EPHA1: variants seen among roughly 807,000 people sequenced by gnomAD.
EPHA1 encodes the protein EPH receptor A1, also known as ephrin type-A receptor 1.
A neutral mutation model predicts 110.1 loss-of-function variants in EPHA1; 92 were observed. That is an observed-to-expected ratio of 0.84 (90% CI 0.71 to 0.99). EPHA1 has a LOEUF of 0.99. EPHA1 is among the 50% of genes least tolerant of loss of function. The pLI is 0.00. For synonymous variants in EPHA1, 500 were observed against 516.1 expected (o/e 0.97, Z 0.42); for missense variants, 1,204 against 1,285.4 (o/e 0.94, Z 0.97).
At chr7:143,406,439 G>A (rs1190638059) in intron 2 of EPHA1, among the ~76,000 whole-genome samples, 1 of 152,186 alleles carries the variant, frequency 6.6e-6, no homozygotes, top group Non-Finnish European at 1.5e-5. Flanking sequence ...TGGTGTTCAT[G>A]GTACCATTTG....
chr7:143,398,435 G>A lies in EPHA1; in HGVS notation c.1350C>T (p.Gly450=), dbSNP rs772008631. ...ISMGHAESLS[G]LSLRLVKKEP... ...CTTTCTTCACCAGTCTCAGAGACAG[G>A]CCTGACAGTGACTCTGGGGGTCCAG... The change falls in exon 7 of 18, where the codon GGC becomes GGT. Residue 450 remains glycine (G), a synonymous_variant. Transcript: ENST00000275815. The A allele has an allele frequency of 6.2e-7, 1 of 1,614,044 alleles. No homozygotes were observed. The highest frequency in any genetic ancestry group is 1.3e-5 in the African/African-American group (1 of 74,926).
At chr7:143,408,293 C>T (rs946779001) in intron 1 of EPHA1, among the ~76,000 whole-genome samples, 5 of 152,180 alleles carry the variant, frequency 3.3e-5, no homozygotes, top group Admixed American at 6.5e-5. Flanking sequence ...TCAGTCCTAA[C>T]CCTTCTCCCG....
intron 1 of EPHA1, 134 bp from the exon 2 acceptor site, chr7:143,407,812 G>A: frequency 1.3e-5 from 10 of 749,648 alleles, no homozygotes; most frequent in Non-Finnish European, 2.0e-5. Context: ...CTGAGGCTTA[G>A]GGGAGAAAAA....
chr7:143,394,067 G>T, intron 15 of EPHA1, 127 bp downstream of exon 15: 1 of 1,347,234 alleles, frequency 7.4e-7, no homozygotes, highest in African/African-American at 1.5e-5. Context: ...AGAGGAGCCA[G>T]GAGTACAGAA....
chr7:143,406,368 AG>A (rs1805548241), intron 2 of EPHA1, among the ~76,000 whole-genome samples: 1 of 152,252 alleles, frequency 6.6e-6, no homozygotes, highest in Non-Finnish European at 1.5e-5. Context: ...ATACATGATT[AG>A]GTCCCTGCAG....
In EPHA1 at chr7:143,394,215, A is replaced by G. The variant is rs2116613731; in HGVS notation, c.2481T>C (p.Tyr827=). 3 of 1,614,020 alleles carry G rather than the reference A, an allele frequency of 1.9e-6. No individual in the cohort carries two copies. Among genetic ancestry groups the G allele is most frequent in the Non-Finnish European group, 8.5e-7 (1 of 1,179,936 alleles). Residue 827 remains tyrosine, a synonymous_variant, in exon 15 of 18, where the codon TAT becomes TAC. Coordinates refer to ENST00000275815, the MANE Select transcript of EPHA1 (RefSeq NM_005232.5). Reference sequence around the variant, plus strand: ...TCACCTCCTGATTGCTCATCTCCCCATAAGGCTTGTCCCCAAAGCTCAGCA... The same window carrying G: ...TCACCTCCTGATTGCTCATCTCCCCGTAAGGCTTGTCCCCAAAGCTCAGCA... ...WEVLSFGDKP[Y]GEMSNQEVMK... is the part of the protein sequence containing the mutation.
Position 143,399,850 on chromosome 7 carries a change from G to A in EPHA1, c.636C>T (p.Ala212=). 1 of 1,606,664 alleles carries A rather than the reference G, an allele frequency of 6.2e-7. No homozygotes were observed. The part of the protein sequence containing the change: ...QRCPETLNGL[A]QFPDTLPGPA... Reference sequence around the variant, plus strand: ...GGCCAGGCAGAGTGTCTGGGAATTGGGCCAAGCCATTCAGGGTCTCAGGAC... The same window carrying A: ...GGCCAGGCAGAGTGTCTGGGAATTGAGCCAAGCCATTCAGGGTCTCAGGAC... The change falls in exon 4 of 18, where the codon GCC becomes GCT. Residue 212 remains alanine, a synonymous_variant. Transcript: ENST00000275815.
rs1135752 is a variant in EPHA1 at position 143,401,567 on chromosome 7, C to T, written c.189G>A (p.Leu63=). 1 of 1,614,076 alleles carries T rather than the reference C, an allele frequency of 6.2e-7. No individual in the cohort carries two copies. The change falls in exon 3 of 18, where the codon CTG becomes CTA. Residue 63 remains leucine (L), a synonymous_variant. Coordinates refer to ENST00000275815, the MANE Select transcript of EPHA1 (RefSeq NM_005232.5). The surrounding 1 kb of genome is among the most constrained non-coding windows in gnomAD (Gnocchi z 4.1). ...EQQQILNGTP[L]YMYQDCPMQG... is the part of the protein sequence containing the mutation. The stretch of plus-strand genomic sequence containing the variant: ...GCATTGGGCAGTCCTGGTACATGTA[C>T]AGGGGTGTCCCATTCAGTATCTGTT...
chr7:143,406,760 C>T (rs1168522231), intron 2 of EPHA1, among the ~76,000 whole-genome samples: 2 of 152,202 alleles, frequency 1.3e-5, no homozygotes, highest in African/African-American at 4.8e-5. Context: ...GGGAGGAATC[C>T]CTACACGCAT....
At chr7:143,396,855 G>A (rs948329371) in intron 10 of EPHA1, among the ~76,000 whole-genome samples, 1 of 152,094 alleles carries the variant, frequency 6.6e-6, no homozygotes, top group Non-Finnish European at 1.5e-5. Context: ...AGACAGAGCC[G>A]CGCATGGCTC....
chr7:143,392,048 G>T (rs796322438), intron 16 of EPHA1, among the ~76,000 whole-genome samples: 5 of 152,344 alleles, frequency 3.3e-5, no homozygotes, highest in African/African-American at 1.2e-4. Context: ...TCACCAGCCG[G>T]TCTCCTGCTG....
In EPHA1 at chr7:143,399,248, CT is replaced by C. The variant is rs751337944; in HGVS notation, c.991+9del. The stretch of plus-strand genomic sequence containing the variant: ...CCTCCAGATGGCCACGCCCCACCCC[CT>C]GGACTCACCTGTGCATGCCACCTGG... On this transcript the variant is annotated intron_variant, in intron 5 of 17. Transcript: ENST00000275815. 10 of 1,610,422 alleles carry C rather than the reference CT, an allele frequency of 6.2e-6. No homozygotes were observed. The highest frequency in any genetic ancestry group is 5.3e-5 in the African/African-American group (4 of 74,848).
intron 10 of EPHA1, 88 bp from the exon 11 acceptor site, chr7:143,396,598 C>G: frequency 6.7e-7 from 1 of 1,488,914 alleles, no homozygotes. Flanking sequence ...GGACCACACA[C>G]TTCTCCACAC....
chr7:143,399,125 G>C, intron 5 of EPHA1, 133 bp downstream of exon 5: 1 of 1,291,886 alleles, frequency 7.7e-7, no homozygotes, highest in Non-Finnish European at 1.1e-6. Flanking sequence ...TGCCAGGGCA[G>C]GGGCTAAAAG....
At position 143,398,065 on chromosome 7, in the gene EPHA1, T is replaced by C; in HGVS notation, c.1470A>G (p.Glu490=). The stretch of plus-strand genomic sequence containing the variant: ...GTTCTAGAACCATCTGGTACCGTTC[T>C]TCATCCTGTGGGTTGGAGTTGCATT... ...TYELHVLNQD[E]ERYQMVLEPR... is the part of the protein sequence containing the mutation. Residue 490 remains glutamate, a synonymous_variant, in exon 8 of 18, where the codon GAA becomes GAG. Transcript: ENST00000275815. 6.2e-7 allele frequency: 1 copy of C among 1,614,054 alleles called. No homozygotes were observed. The highest frequency in any genetic ancestry group is 8.5e-7 in the Non-Finnish European group (1 of 1,179,930).
intron 2 of EPHA1, among the ~76,000 whole-genome samples, chr7:143,405,059 A>G (rs1417060469): frequency 3.9e-5 from 6 of 151,980 alleles, no homozygotes. Context: ...ATATTTCTGC[A>G]TTATGTTAGG....
Position 143,393,952 on chromosome 7 carries a change from T to C in EPHA1, c.2503-88A>G, listed in dbSNP as rs928331451. ...CGACGGTCACACAAGATAATTGCAG[T>C]GGAGATCCTAGGATGGGAGGAGGTG... is the stretch of plus-strand genomic sequence containing the variant. On this transcript the variant is annotated intron_variant, in intron 15 of 17. Transcript: ENST00000275815. The surrounding 1 kb of genome is among the most constrained non-coding windows in gnomAD (Gnocchi z 5.6). 4 of 1,427,052 alleles carry C rather than the reference T, an allele frequency of 2.8e-6. No individual in the cohort carries two copies. Among genetic ancestry groups the C allele is most frequent in the Non-Finnish European group, 3.8e-6 (4 of 1,066,310 alleles). The allele number at this position is 1,427,052 out of a possible 1,614,324, so 88.4% of individuals were successfully genotyped here. A position where few individuals can be genotyped will look rare whatever the true frequency, so the allele number is the denominator to read the frequency against.
intron 2 of EPHA1, among the ~76,000 whole-genome samples, chr7:143,404,969 C>T (rs1255299807): frequency 7.7e-6 from 1 of 129,580 alleles, no homozygotes; most frequent in African/African-American, 2.6e-5. Context: ...ACCCTCAGCT[C>T]TGGGAAAAGG....
chr7:143,399,196 A>T, intron 5 of EPHA1, 62 bp downstream of exon 5: 2 of 1,567,174 alleles, frequency 1.3e-6, no homozygotes, highest in Non-Finnish European at 1.7e-6. Context: ...CAACCCTGAC[A>T]AAGTCTCAGC....
Sources: allele counts gnomAD v4.1 joint callset (sites outside exome capture counted in the v4.1 genomes callset), GRCh38; gene constraint gnomAD v4.1.1; non-coding constraint Gnocchi (gnomAD v3.1); transcripts MANE v1.5; gene names NCBI Gene and HGNC (gene_info 2026-07-23, HGNC 2026-07-21).